The following SLC25A21 variants were observed in gnomAD, a reference collection of about 807,000 sequenced individuals.
SLC25A21 encodes mitochondrial 2-oxodicarboxylate carrier.
SLC25A21 carries 47 observed loss-of-function variants against 43.8 expected under a neutral mutation model. That is an observed-to-expected ratio of 1.07 (90% CI 0.85 to 1.37). The LOEUF (loss-of-function observed/expected upper bound fraction) is 1.37. Among genes scored for constraint, SLC25A21 ranks in the 40% most tolerant of loss-of-function variants. The probability of loss-of-function intolerance (pLI) is 0.00; values close to 1 mark genes in which losing one functional copy is unlikely to be tolerated. For missense variants in SLC25A21, 352 were observed against 350.2 expected, an observed-to-expected ratio of 1.00 and a Z score of -0.04; for synonymous variants, 131 against 121.3, an observed-to-expected ratio of 1.08 and a Z score of -0.52.
At chr14:36,877,365 T>C (rs1890566603) in intron 1 of SLC25A21, among the ~76,000 whole-genome samples, 1 of 152,264 alleles carries the variant, frequency 6.6e-6, no homozygotes, top group Non-Finnish European at 1.5e-5. Flanking sequence ...GTTTTCTATG[T>C]GCTAATGCAC....
intron 1 of SLC25A21, among the ~76,000 whole-genome samples, chr14:37,107,420 C>A (rs1382706664): frequency 6.6e-6 from 1 of 152,006 alleles, no homozygotes; most frequent in Non-Finnish European, 1.5e-5. Context: ...TGGAGTCAAG[C>A]GGTCCTCCCT....
At chr14:37,054,408 T>G (rs558372791) in intron 1 of SLC25A21, among the ~76,000 whole-genome samples, 1 of 152,334 alleles carries the variant, frequency 6.6e-6, no homozygotes, top group East Asian at 1.9e-4. Flanking sequence ...ATACAATTTT[T>G]TTGTTGTTGT....
chr14:36,929,916 C>T (rs760149693), intron 1 of SLC25A21, among the ~76,000 whole-genome samples: 3 of 152,112 alleles, frequency 2.0e-5, no homozygotes, highest in Non-Finnish European at 2.9e-5. Flanking sequence ...TATTAGAAGC[C>T]GTGTAGCTTC....
At chr14:36,697,373 G>T in intron 7 of SLC25A21, among the ~76,000 whole-genome samples, 1 of 152,170 alleles carries the variant, frequency 6.6e-6, no homozygotes, top group East Asian at 1.9e-4. Context: ...GTGCTGAGAA[G>T]AATGTATATT....
chr14:36,715,797 A>G (rs1273438373), intron 6 of SLC25A21, among the ~76,000 whole-genome samples: 1 of 152,248 alleles, frequency 6.6e-6, no homozygotes, highest in African/African-American at 2.4e-5. Context: ...GGTTTAATTA[A>G]AAAAGCAGAT....
chr14:36,990,443 CA>C (rs931572233), intron 1 of SLC25A21, among the ~76,000 whole-genome samples: 26 of 152,092 alleles, frequency 1.7e-4, no homozygotes, highest in African/African-American at 6.3e-4. Flanking sequence ...TAGTTTAACC[CA>C]CCATGACTGC....
intron 1 of SLC25A21, among the ~76,000 whole-genome samples, chr14:37,075,636 G>T (rs1206429448): frequency 6.6e-6 from 1 of 152,092 alleles, no homozygotes; most frequent in East Asian, 1.9e-4. Context: ...CAGAAAAAAA[G>T]ACACATTTAA....
At chr14:37,001,378 C>A (rs566872680) in intron 1 of SLC25A21, among the ~76,000 whole-genome samples, 1 of 152,120 alleles carries the variant, frequency 6.6e-6, no homozygotes, top group Admixed American at 6.6e-5. Context: ...GAAATTGATG[C>A]CCAGAGAAGT....
At chr14:36,910,153 A>G (rs1436744881) in intron 1 of SLC25A21, among the ~76,000 whole-genome samples, 1 of 152,206 alleles carries the variant, frequency 6.6e-6, no homozygotes, top group Non-Finnish European at 1.5e-5. Context: ...TATAAAAACT[A>G]GGAGCCGATG....
intron 1 of SLC25A21, among the ~76,000 whole-genome samples, chr14:37,156,309 TG>T (rs1267468651): frequency 6.6e-6 from 1 of 150,888 alleles, no homozygotes; most frequent in African/African-American, 2.4e-5. Context: ...TTCTAAAGAC[TG>T]GGAAAATAAA....
intron 1 of SLC25A21, among the ~76,000 whole-genome samples, chr14:37,052,699 C>T (rs900716136): frequency 2.0e-5 from 3 of 151,888 alleles, no homozygotes; most frequent in African/African-American, 4.8e-5. Context: ...AGTGCAGTAG[C>T]GCAATCTGAG....
chr14:36,713,880 GCTGA>G (rs1203277854), intron 6 of SLC25A21, among the ~76,000 whole-genome samples: 1 of 152,158 alleles, frequency 6.6e-6, no homozygotes, highest in African/African-American at 2.4e-5. Flanking sequence ...TACTCAGGAG[GCTGA>G]CTAAGGAGGC....
intron 1 of SLC25A21, among the ~76,000 whole-genome samples, chr14:36,930,799 G>T (rs746315548): frequency 2.6e-5 from 4 of 152,040 alleles, no homozygotes; most frequent in African/African-American, 7.2e-5. Context: ...TACCTCTCAA[G>T]TGTCATCCCC....
intron 1 of SLC25A21, among the ~76,000 whole-genome samples, chr14:36,965,475 T>A (rs1959592085): frequency 6.6e-6 from 1 of 152,160 alleles, no homozygotes; most frequent in African/African-American, 2.4e-5. Context: ...ACAAAATAGA[T>A]CTCATGAGAT....
chr14:36,948,185 T>A (rs1400532985), intron 1 of SLC25A21, among the ~76,000 whole-genome samples: 1 of 152,228 alleles, frequency 6.6e-6, no homozygotes, highest in East Asian at 1.9e-4. Flanking sequence ...TACTGCCTTA[T>A]TTATGACATA....
At position 36,750,149 on chromosome 14, in the gene SLC25A21, G is replaced by A. The variant is rs17105215; in HGVS notation, c.204-15576C>T. Among the ~76,000 whole-genome samples, 684 of 152,286 alleles carry A rather than the reference G, an allele frequency of 4.5e-3. 8 individuals carry two copies. Among genetic ancestry groups the A allele is most frequent in the African/African-American group, 0.016 (666 of 41,568 alleles). On this transcript the variant is annotated intron_variant, in intron 3 of 9. Coordinates refer to ENST00000331299, the MANE Select transcript of SLC25A21 (RefSeq NM_030631.4). ...ATGTTGGTGTTGTGAACAGAAAATC[G>A]TATCTGGCATTTTGAACTATTCTAA... is the stretch of plus-strand genomic sequence containing the variant.
At chr14:36,694,709 C>A (rs1173105943) in intron 7 of SLC25A21, among the ~76,000 whole-genome samples, 3 of 152,188 alleles carry the variant, frequency 2.0e-5, no homozygotes, top group Non-Finnish European at 4.4e-5. Flanking sequence ...TAAATGTCTT[C>A]TTCTGAGAAG....
intron 1 of SLC25A21, among the ~76,000 whole-genome samples, chr14:37,157,479 C>T (rs1963871636): frequency 6.6e-6 from 1 of 152,096 alleles, no homozygotes; most frequent in Non-Finnish European, 1.5e-5. Context: ...TGAACATGTT[C>T]CTGAATGACC....
chr14:37,103,477 T>C (rs568916267), intron 1 of SLC25A21, among the ~76,000 whole-genome samples: 4 of 152,370 alleles, frequency 2.6e-5, no homozygotes, highest in African/African-American at 9.6e-5. Flanking sequence ...TTTGTATAAA[T>C]GTTACTTCAT....
Sources: gnomAD v4.1 joint callset for allele counts (sites outside exome capture counted in the v4.1 genomes callset) on GRCh38, gnomAD v4.1.1 for gene constraint, MANE v1.5 for transcripts, NCBI Gene and HGNC (gene_info 2026-07-23, HGNC 2026-07-21) for gene names.